Variants in ROBO2 observed in about 807,000 individuals in gnomAD.
ROBO2 encodes roundabout guidance receptor 2.
A neutral mutation model predicts 160.8 loss-of-function variants in ROBO2; 53 were observed. The ratio of observed to expected loss-of-function variants is 0.33; its 90% CI spans 0.26 to 0.41. The LOEUF is 0.41. ROBO2 is among the 10% of genes least tolerant of loss of function. The pLI is 1.00. For synonymous variants in ROBO2, 664 were observed against 611.7 expected (o/e 1.09, Z -1.26); for missense variants, 1,577 against 1,722.4 (o/e 0.92, Z 1.49).
intron 2 of ROBO2, among the ~76,000 whole-genome samples, chr3:76,437,016 TG>T (rs1265083667): frequency 2.6e-5 from 4 of 152,220 alleles, no homozygotes; most frequent in African/African-American, 4.8e-5. Flanking sequence ...ATTTAACAGC[TG>T]TTTTACTTAA....
At chr3:75,965,068 C>G (rs1949054731) in intron 2 of ROBO2, 1 of 151,468 alleles carries the variant, frequency 6.6e-6, no homozygotes. Context: ...TTTGGACTAG[C>G]CTGCTAATTT....
chr3:77,011,821 T>G (rs2061940578), intron 2 of ROBO2, among the ~76,000 whole-genome samples: 1 of 152,122 alleles, frequency 6.6e-6, no homozygotes, highest in Non-Finnish European at 1.5e-5. Flanking sequence ...GGTGAGACCT[T>G]TATTTTGAAA....
chr3:77,262,476 G>A (rs539331760), intron 2 of ROBO2, among the ~76,000 whole-genome samples: 2 of 152,202 alleles, frequency 1.3e-5, no homozygotes, highest in African/African-American at 4.8e-5. Flanking sequence ...TATTCACAAT[G>A]AGAAAGCATA....
intron 2 of ROBO2, among the ~76,000 whole-genome samples, chr3:76,934,034 C>T (rs2077521408): frequency 6.7e-6 from 1 of 149,220 alleles, no homozygotes; most frequent in East Asian, 2.0e-4. Context: ...TTAAGGCATA[C>T]CTAGGATTGC....
chr3:76,493,190 T>G (rs1413562007), intron 2 of ROBO2, among the ~76,000 whole-genome samples: 8 of 151,716 alleles, frequency 5.3e-5, no homozygotes, highest in Admixed American at 5.3e-4. Context: ...TTAGCCTCTT[T>G]TGTTTCTTTA....
intron 2 of ROBO2, among the ~76,000 whole-genome samples, chr3:76,595,375 T>C (rs891911821): frequency 2.6e-5 from 4 of 152,074 alleles, no homozygotes; most frequent in African/African-American, 9.7e-5. Flanking sequence ...TTATGTATTT[T>C]GTTACATGTT....
chr3:76,294,760 C>T (rs529973671), intron 2 of ROBO2, among the ~76,000 whole-genome samples: 1 of 152,248 alleles, frequency 6.6e-6, no homozygotes, highest in East Asian at 1.9e-4. Flanking sequence ...TTTCACCTGG[C>T]CATTAGCTTT....
intron 2 of ROBO2, among the ~76,000 whole-genome samples, chr3:76,298,011 C>T (rs1016990927): frequency 2.0e-5 from 3 of 152,074 alleles, no homozygotes; most frequent in South Asian, 2.1e-4. Context: ...TGGATGCCAT[C>T]GGGAGCTGGA....
intron 1 of ROBO2, among the ~76,000 whole-genome samples, chr3:77,082,614 GAT>G (rs377680810): frequency 0.011 from 1,710 of 149,540 alleles, 20 homozygotes; most frequent in African/African-American, 0.038. Context: ...TTAATTAACA[GAT>G]ATATATATAT....
intron 2 of ROBO2, among the ~76,000 whole-genome samples, chr3:76,264,832 A>G (rs1243511848): frequency 1.3e-5 from 2 of 152,092 alleles, no homozygotes; most frequent in South Asian, 2.1e-4. Context: ...TTTACTTTAC[A>G]TGAGAACTCT....
intron 2 of ROBO2, among the ~76,000 whole-genome samples, chr3:76,032,637 G>A (rs2066964413): frequency 6.6e-6 from 1 of 152,154 alleles, no homozygotes; most frequent in African/African-American, 2.4e-5. Flanking sequence ...TCAGGAGCAG[G>A]TTGTTTAGTT....
At chr3:77,009,360 A>G (rs1016266708) in intron 2 of ROBO2, among the ~76,000 whole-genome samples, 9 of 152,234 alleles carry the variant, frequency 5.9e-5, no homozygotes, top group African/African-American at 1.9e-4. Flanking sequence ...ATTTAAATTT[A>G]GAGTAAATAT....
At chr3:76,628,169 T>C (rs778293371) in intron 2 of ROBO2, among the ~76,000 whole-genome samples, 24 of 152,192 alleles carry the variant, frequency 1.6e-4, no homozygotes, top group Admixed American at 5.9e-4. Context: ...TTGATTTTTA[T>C]TCACTAGAGA....
At chr3:77,423,820 G>A (rs909304061) in intron 2 of ROBO2, among the ~76,000 whole-genome samples, 2 of 152,080 alleles carry the variant, frequency 1.3e-5, no homozygotes, top group Non-Finnish European at 2.9e-5. Flanking sequence ...TTCTCCCAGG[G>A]TAACGTTATG....
exon 1 of ROBO2, chr3:77,040,340 G>A (rs939515272): frequency 1.8e-5 from 18 of 998,708 alleles, no homozygotes; most frequent in Non-Finnish European, 2.1e-5. Context: ...AAGAAAACCA[G>A]TAGGCAGGCC....
chr3:76,834,039 C>CTTTCTTTCTTTCTTTCTTT (rs1559574511), intron 2 of ROBO2, among the ~76,000 whole-genome samples: 3 of 17,090 alleles, frequency 1.8e-4, no homozygotes, highest in South Asian at 1.9e-3. Flanking sequence ...TTCTTTCTTT[C>CTTTCTTTCTTTCTTTCTTT]CTTTCTTTCT....
chr3:76,315,457 C>T (rs2071936171), intron 2 of ROBO2, among the ~76,000 whole-genome samples: 1 of 152,100 alleles, frequency 6.6e-6, no homozygotes, highest in African/African-American at 2.4e-5. Context: ...TACGGTATTG[C>T]AACATTTTAA....
chr3:76,500,416 T>C (rs1041164999), intron 2 of ROBO2, among the ~76,000 whole-genome samples: 3 of 152,072 alleles, frequency 2.0e-5, no homozygotes, highest in Non-Finnish European at 4.4e-5. Context: ...CCTGGCAAAA[T>C]AGTTAATTTT....
At chr3:76,512,284 A>C (rs2081131415) in intron 2 of ROBO2, among the ~76,000 whole-genome samples, 1 of 148,144 alleles carries the variant, frequency 6.8e-6, no homozygotes, top group South Asian at 2.1e-4. Context: ...ATATATATGG[A>C]ATAAATGGAC....
Sources: gnomAD v4.1 joint callset for allele counts (sites outside exome capture counted in the v4.1 genomes callset) on GRCh38, gnomAD v4.1.1 for gene constraint, MANE v1.5 for transcripts, NCBI Gene and HGNC (gene_info 2026-07-23, HGNC 2026-07-21) for gene names.